ATP2A3: variants seen among roughly 807,000 people sequenced by gnomAD.
ATP2A3 encodes sarcoplasmic/endoplasmic reticulum calcium ATPase 3.
A neutral mutation model predicts 106.8 loss-of-function variants in ATP2A3; 61 were observed. The ratio of observed to expected loss-of-function variants is 0.57; its 90% CI spans 0.46 to 0.71. The LOEUF (loss-of-function observed/expected upper bound fraction) is 0.71. Ranked by LOEUF, ATP2A3 falls within the 30% of genes least tolerant of loss-of-function variation. The probability of loss-of-function intolerance (pLI) is 0.00; values close to 1 mark genes in which losing one functional copy is unlikely to be tolerated. For synonymous variants in ATP2A3, 611 were observed against 609.3 expected, an observed-to-expected ratio of 1.00 and a Z score of -0.04; for missense variants, 1,201 against 1,423.5, an observed-to-expected ratio of 0.84 and a Z score of 2.52.
chr17:3,959,532 C>T (rs2055021411), intron 1 of ATP2A3, among the ~76,000 whole-genome samples: 1 of 152,210 alleles, frequency 6.6e-6, no homozygotes, highest in South Asian at 2.1e-4. Context: ...CCCCAGGCTC[C>T]ACACCACCTG....
At chr17:3,937,773 C>T in intron 14 of ATP2A3, 137 bp from the exon 15 acceptor site, 2 of 903,426 alleles carry the variant, frequency 2.2e-6, no homozygotes, top group Non-Finnish European at 3.5e-6. Context: ...ATGGTGGGTT[C>T]AAGAATGAAC....
In ATP2A3 at chr17:3,947,610, A is replaced by G. The variant is rs768689714; in HGVS notation, c.876T>C (p.Ala292=). The part of the protein sequence containing the change: ...PAHGGSWLRG[A]VYYFKIAVAL... ...CCACGGCGATCTTGAAGTAGTAGAC[A>G]GCGCCACGCAGCCAGGAGCCACCGT... The change falls in exon 8 of 21, where the codon GCT becomes GCC. Residue 292 remains alanine, a synonymous_variant. Coordinates refer to ENST00000397041, the MANE Select transcript of ATP2A3 (RefSeq NM_005173.4). This position sits in a 1 kb window ranked among gnomAD's most constrained non-coding sequence, Gnocchi z 7.7. The G allele has an allele frequency of 2.5e-6, 4 of 1,612,558 alleles. No homozygotes were observed. The East Asian group carries it at 6.7e-5, about 27-fold the overall frequency.
chr17:3,930,462 A>C lies in ATP2A3; in HGVS notation c.2611-28T>G. The C allele has an allele frequency of 1.2e-6, 2 of 1,612,770 alleles. No homozygotes were observed. Among genetic ancestry groups the C allele is most frequent in the Non-Finnish European group, 1.7e-6 (2 of 1,179,864 alleles). ...GGGGGCACCGTGGCAGGTCAGAGAGAGCGGCAGGTCAGGCGAGGGGCTGGT... is the reference window on the plus strand; with the variant it reads ...GGGGGCACCGTGGCAGGTCAGAGAGCGCGGCAGGTCAGGCGAGGGGCTGGT... On this transcript the variant is annotated intron_variant, in intron 17 of 20. Transcript: ENST00000397041. The surrounding 1 kb of genome is among the most constrained non-coding windows in gnomAD (Gnocchi z 5.4).
Position 3,951,284 on chromosome 17 carries a change from C to A in ATP2A3, c.430G>T (p.Asp144Tyr), listed in dbSNP as rs181908864. 6.6e-5 allele frequency: 107 copies of A among 1,613,816 alleles called. No homozygotes were observed. Among genetic ancestry groups the A allele is most frequent in the Middle Eastern group, 1.6e-4 (1 of 6,062 alleles). The change falls in exon 5 of 21, where the codon GAC becomes TAC. Residue 144 changes from aspartate (D) to tyrosine (Y), a missense_variant. Coordinates refer to ENST00000397041, the MANE Select transcript of ATP2A3 (RefSeq NM_005173.4). The part of the protein sequence containing the change: ...RKGVQRIRAR[D>Y]IVPGDIVEVA... Reference sequence around the variant, plus strand: ...TCTACAATGTCCCCTGGGACGATGTCCCGGGCACGGATCCTCTGCACGCCC... The same window carrying A: ...TCTACAATGTCCCCTGGGACGATGTACCGGGCACGGATCCTCTGCACGCCC...
intron 8 of ATP2A3, among the ~76,000 whole-genome samples, chr17:3,946,301 C>G (rs2054114784): frequency 6.6e-6 from 1 of 151,692 alleles, no homozygotes; most frequent in African/African-American, 2.4e-5. Context: ...GCTGAAATCC[C>G]TGCACTTTGG....
intron 10 of ATP2A3, 141 bp from the exon 11 acceptor site, chr17:3,943,663 C>A: frequency 7.3e-7 from 1 of 1,374,458 alleles, no homozygotes; most frequent in Non-Finnish European, 1.0e-6. Flanking sequence ...GAGCCCTTCC[C>A]AGCCTGGCCG....
At chr17:3,946,258 A>G (rs1250053229) in intron 8 of ATP2A3, among the ~76,000 whole-genome samples, 1 of 147,890 alleles carries the variant, frequency 6.8e-6, no homozygotes, top group Non-Finnish European at 1.5e-5. Flanking sequence ...AAAAAAAAAA[A>G]AAATTTATTA....
intron 11 of ATP2A3, 44 bp from the exon 12 acceptor site, chr17:3,942,775 A>T: frequency 6.2e-7 from 1 of 1,606,396 alleles, no homozygotes. Context: ...CAGAGCCAGC[A>T]ACTCTCGCCT....
rs949459992 is a variant in ATP2A3, at chr17:3,947,226, T to C, written c.1095+165A>G. On this transcript the variant is annotated intron_variant, in intron 8 of 20. Coordinates refer to ENST00000397041, the MANE Select transcript of ATP2A3 (RefSeq NM_005173.4). The surrounding 1 kb of genome is among the most constrained non-coding windows in gnomAD (Gnocchi z 7.7). ...GTGGCTACCCAGGCATGATTTGCTA[T>C]AGTCTCCCTGTCATCTTGTGAAAAC... 1.3e-5 allele frequency among the ~76,000 whole-genome samples: 2 copies of C among 152,212 alleles called. No individual in the cohort carries two copies. Among genetic ancestry groups the C allele is most frequent in the African/African-American group, 4.8e-5 (2 of 41,460 alleles).
chr17:3,940,992 G>C lies in ATP2A3; in HGVS notation c.2079C>G (p.Ser693=), dbSNP rs770054708. 3 of 1,613,958 alleles carry C rather than the reference G, an allele frequency of 1.9e-6. No homozygotes were observed. Among genetic ancestry groups the C allele is most frequent in the Admixed American group, 1.7e-5 (1 of 60,024 alleles). Residue 693 remains serine (S), a synonymous_variant, in exon 14 of 21, where the codon TCC becomes TCG. Transcript: ENST00000397041. ...TCACCATAGCAGTGATCTCGTTAAA[G>C]GACTGCAGGTTCTCCACGATGCGGG... ...HKSRIVENLQ[S]FNEITAMTGD...
rs1013968515 is a variant in ATP2A3 at position 3,928,226 on chromosome 17, C to T, written c.2980+437G>A. 1.9e-6 allele frequency: 3 copies of T among 1,613,584 alleles called. No homozygotes were observed. Among genetic ancestry groups the T allele is most frequent in the Non-Finnish European group, 2.5e-6 (3 of 1,179,970 alleles). On this transcript the variant is annotated intron_variant, in intron 20 of 20. Coordinates refer to ENST00000397041, the MANE Select transcript of ATP2A3 (RefSeq NM_005173.4). This position sits in a 1 kb window ranked among gnomAD's most constrained non-coding sequence, Gnocchi z 6.1. Reference sequence around the variant, plus strand: ...CCCTTGACCCACCCACAAGGTGATACCAAAGAGGCCAACCCGGTGTGGTCT... The same window carrying T: ...CCCTTGACCCACCCACAAGGTGATATCAAAGAGGCCAACCCGGTGTGGTCT...
chr17:3,934,087 G>A (rs1052572714), intron 17 of ATP2A3, among the ~76,000 whole-genome samples: 8 of 150,660 alleles, frequency 5.3e-5, no homozygotes, highest in African/African-American at 1.5e-4. Context: ...CCACACCTGG[G>A]TAATTTTTGT....
intron 17 of ATP2A3, chr17:3,934,948 G>T: frequency 1.8e-6 from 1 of 545,594 alleles, no homozygotes; most frequent in South Asian, 2.0e-5. Context: ...ATCTGGCAGT[G>T]AGGCCTCTTG....
chr17:3,951,557 G>GC, intron 4 of ATP2A3, 24 bp downstream of exon 4: 1 of 538,480 alleles, frequency 1.9e-6, no homozygotes, highest in Non-Finnish European at 2.7e-6. Context: ...CCCCCCGCCC[G>GC]GTCCCACCCC....
chr17:3,964,096 TG>T (rs2055296920), intron 1 of ATP2A3, 77 bp downstream of exon 1: 16 of 770,034 alleles, frequency 2.1e-5, no homozygotes, highest in Non-Finnish European at 2.3e-5. Context: ...CAGAGCCGGG[TG>T]GGGAGGCAGG....
rs552276386 is a variant in ATP2A3 at position 3,947,766 on chromosome 17, C to T, written c.720G>A (p.Ala240=). The T allele has an allele frequency of 3.7e-5, 60 of 1,604,380 alleles. No homozygotes were observed. The highest frequency in any genetic ancestry group is 4.4e-5 in the Non-Finnish European group (52 of 1,179,790). The change falls in exon 8 of 21, where the codon GCG becomes GCA. Residue 240 remains alanine, a synonymous_variant. Transcript: ENST00000397041. This position sits in a 1 kb window ranked among gnomAD's most constrained non-coding sequence, Gnocchi z 7.7. Reference sequence around the variant, plus strand: ...GCGGCGTCCGCTCGGGCTCGACTGCCGCCATCTGGCTCCGGATCTTGCCCA... The same window carrying T: ...GCGGCGTCCGCTCGGGCTCGACTGCTGCCATCTGGCTCCGGATCTTGCCCA... ...TELGKIRSQM[A]AVEPERTPLQ...
chr17:3,937,387 G>C (rs377170489), intron 15 of ATP2A3, 29 bp downstream of exon 15: 31 of 1,600,992 alleles, frequency 1.9e-5, no homozygotes, highest in Middle Eastern at 1.7e-4. Flanking sequence ...GGATTGAGAG[G>C]GCTGAGAGGA....
chr17:3,946,304 C>A (rs2054115254), intron 8 of ATP2A3, among the ~76,000 whole-genome samples: 1 of 151,358 alleles, frequency 6.6e-6, no homozygotes, highest in African/African-American at 2.4e-5. Flanking sequence ...GAAATCCCTG[C>A]ACTTTGGGAG....
At chr17:3,931,523 CTTTT>C (rs368874628) in intron 17 of ATP2A3, among the ~76,000 whole-genome samples, 1 of 140,458 alleles carries the variant, frequency 7.1e-6, no homozygotes, top group Admixed American at 7.2e-5. Context: ...GATCTTTTTT[CTTTT>C]TTTTTTTTTT....
Sources: gnomAD v4.1 joint callset for allele counts (sites outside exome capture counted in the v4.1 genomes callset) on GRCh38, gnomAD v4.1.1 for gene constraint, Gnocchi (gnomAD v3.1) non-coding constraint, MANE v1.5 for transcripts, NCBI Gene and HGNC (gene_info 2026-07-23, HGNC 2026-07-21) for gene names.